DIAPH2: variants seen among roughly 807,000 people sequenced by gnomAD.
DIAPH2 encodes protein diaphanous homolog 2.
Under a neutral mutation model 92.7 loss-of-function variants are expected in DIAPH2, and 35 were observed. The observed-to-expected ratio is 0.38, with a 90% CI of 0.29 to 0.50. The LOEUF (loss-of-function observed/expected upper bound fraction) is 0.50, where lower values mean the gene tolerates loss of function less well. DIAPH2 is among the 20% of genes least tolerant of loss of function. DIAPH2 has a pLI of 0.94. For synonymous variants in DIAPH2, 301 were observed against 280.4 expected, an observed-to-expected ratio of 1.07 and a Z score of -0.73; for missense variants, 701 against 819.5, an observed-to-expected ratio of 0.86 and a Z score of 1.77.
chrX:97,516,024 C>T (rs902038425), intron 26 of DIAPH2, among the ~76,000 whole-genome samples: 7 of 110,452 alleles, frequency 6.3e-5, no homozygotes, highest in Non-Finnish European at 1.3e-4. Context: ...GAGGCGGAGG[C>T]GGGCGGATCA....
intron 19 of DIAPH2, among the ~76,000 whole-genome samples, chrX:97,092,529 T>A (rs2066833194): frequency 8.9e-6 from 1 of 112,800 alleles, no homozygotes; most frequent in Non-Finnish European, 1.9e-5. Flanking sequence ...TGCTCCATTT[T>A]GACTTTGTAT....
At chrX:97,344,076 G>A (rs998566620) in intron 23 of DIAPH2, among the ~76,000 whole-genome samples, 1 of 111,988 alleles carries the variant, frequency 8.9e-6, no homozygotes, top group Non-Finnish European at 1.9e-5. Context: ...TATATAATAA[G>A]TGATAAAGTC....
At chrX:97,394,898 C>T (rs1249135320) in intron 25 of DIAPH2, among the ~76,000 whole-genome samples, 1 of 111,453 alleles carries the variant, frequency 9.0e-6, no homozygotes, top group Non-Finnish European at 1.9e-5. Context: ...CCCCTCTTGC[C>T]TTTGGAGCCA....
intron 4 of DIAPH2, among the ~76,000 whole-genome samples, chrX:96,842,962 T>A (rs2147703650): frequency 8.9e-6 from 1 of 111,954 alleles, no homozygotes; most frequent in African/African-American, 3.2e-5. Flanking sequence ...TGTTGGTGAA[T>A]ACTAAATTTT....
In DIAPH2 at chrX:96,859,563, C is replaced by G. The variant is rs190777188; in HGVS notation, c.448-22016C>G. On this transcript the variant is annotated intron_variant, in intron 4 of 26. Transcript: ENST00000324765. ...AAGGGAGATATTATAATAGCACACACATTCATGTAAATAAGTGGGAATAGA... is the reference window on the plus strand; with the variant it reads ...AAGGGAGATATTATAATAGCACACAGATTCATGTAAATAAGTGGGAATAGA... Among the ~76,000 whole-genome samples, 156 of 110,305 alleles carry G rather than the reference C, an allele frequency of 1.4e-3. 1 individual carries two copies. Among genetic ancestry groups the G allele is most frequent in the African/African-American group, 4.9e-3 (150 of 30,355 alleles).
At position 97,108,247 on chromosome X, in the gene DIAPH2, C is replaced by T. The variant is rs1053602611; in HGVS notation, c.2350-6479C>T. 8.3e-4 allele frequency among the ~76,000 whole-genome samples: 92 copies of T among 110,502 alleles called. 1 individual carries two copies. The highest frequency in any genetic ancestry group is 2.8e-3 in the African/African-American group (86 of 30,318). On this transcript the variant is annotated intron_variant, in intron 20 of 26. Transcript: ENST00000324765. ...GATGTGATTTGATAGACAAGTACATCGTAACACAAATAAATCCCCTACATA... is the reference window on the plus strand; with the variant it reads ...GATGTGATTTGATAGACAAGTACATTGTAACACAAATAAATCCCCTACATA...
intron 9 of DIAPH2, among the ~76,000 whole-genome samples, chrX:96,927,022 G>A (rs1279634129): frequency 3.6e-5 from 4 of 111,200 alleles, no homozygotes; most frequent in Non-Finnish European, 7.6e-5. Flanking sequence ...AAGGGCATTT[G>A]TTTTCTTTCT....
chrX:97,399,877 A>C (rs772959241), intron 25 of DIAPH2, among the ~76,000 whole-genome samples: 9 of 112,471 alleles, frequency 8.0e-5, no homozygotes, highest in Non-Finnish European at 1.7e-4. Flanking sequence ...TACTGTATAC[A>C]TTTTGGTCAC....
At chrX:97,596,854 C>T (rs994996841) in intron 26 of DIAPH2, among the ~76,000 whole-genome samples, 4 of 111,772 alleles carry the variant, frequency 3.6e-5, no homozygotes, top group Non-Finnish European at 7.5e-5. Context: ...ACGTGGAAGT[C>T]GTCATCATTA....
chrX:96,960,290 G>GT (rs2065838825), intron 16 of DIAPH2, among the ~76,000 whole-genome samples: 1 of 110,684 alleles, frequency 9.0e-6, no homozygotes, highest in South Asian at 3.8e-4. Context: ...TTTCATCAGT[G>GT]TTTTGTAGTT....
chrX:96,870,391 A>T (rs2065132614), intron 4 of DIAPH2, among the ~76,000 whole-genome samples: 1 of 107,417 alleles, frequency 9.3e-6, no homozygotes, highest in Non-Finnish European at 1.9e-5. Flanking sequence ...CCTCCCGAGT[A>T]GCTGGGACTA....
intron 26 of DIAPH2, among the ~76,000 whole-genome samples, chrX:97,520,219 T>A (rs1221579522): frequency 8.9e-6 from 1 of 112,719 alleles, no homozygotes; most frequent in East Asian, 2.8e-4. Context: ...TTGATGTATG[T>A]ACAGGCTATG....
rs767896917 is a variant in DIAPH2 at position 97,236,463 on chromosome X, T to C, written c.2720-11252T>C. 2.0e-4 allele frequency among the ~76,000 whole-genome samples: 22 copies of C among 111,517 alleles called. 1 individual carries two copies. The highest frequency in any genetic ancestry group is 1.9e-4 in the Non-Finnish European group (10 of 53,154). On this transcript the variant is annotated intron_variant, in intron 22 of 26. Transcript: ENST00000324765. ...TGGTTCATCAATCTGTATGATCTTT[T>C]CACAACTTATTGAAGATACCATTTA...
chrX:96,836,386 T>C (rs2064886739), intron 4 of DIAPH2, among the ~76,000 whole-genome samples: 1 of 109,471 alleles, frequency 9.1e-6, no homozygotes, highest in South Asian at 3.9e-4. Context: ...ATGAATTTTC[T>C]CTTGATAAAT....
chrX:96,991,936 T>A (rs1461333272), intron 17 of DIAPH2, among the ~76,000 whole-genome samples: 1 of 111,281 alleles, frequency 9.0e-6, no homozygotes, highest in Non-Finnish European at 1.9e-5. Flanking sequence ...ACATATACTC[T>A]GAAATATCTA....
chrX:97,419,478 C>A (rs983735901), intron 25 of DIAPH2, among the ~76,000 whole-genome samples: 3 of 111,799 alleles, frequency 2.7e-5, no homozygotes, highest in African/African-American at 9.8e-5. Flanking sequence ...AAATATTATT[C>A]TTTTTAAAAT....
chrX:97,357,713 G>C (rs1162787510), intron 24 of DIAPH2, among the ~76,000 whole-genome samples: 1 of 112,015 alleles, frequency 8.9e-6, no homozygotes, highest in African/African-American at 3.2e-5. Flanking sequence ...ATAGAACAAT[G>C]AGTGAATCAA....
At position 96,724,589 on chromosome X, in the gene DIAPH2, T is replaced by C. The variant is rs183661794; in HGVS notation, c.133-11169T>C. 4.4e-4 allele frequency among the ~76,000 whole-genome samples: 49 copies of C among 111,849 alleles called. 1 individual carries two copies. The East Asian group carries it at 8.5e-3, about 19-fold the overall frequency. The stretch of plus-strand genomic sequence containing the variant: ...CCCCTATGAAAGGGCTTGATTTTGC[T>C]GGTTTGAAGCCTTTGTTGGCATCAG... On this transcript the variant is annotated intron_variant, in intron 1 of 26. Transcript: ENST00000324765.
At chrX:97,003,093 G>T (rs1271819441) in intron 17 of DIAPH2, among the ~76,000 whole-genome samples, 1 of 109,982 alleles carries the variant, frequency 9.1e-6, no homozygotes, top group African/African-American at 3.3e-5. Flanking sequence ...ATGATCACCA[G>T]TTCCATTCAT....
Sources: allele counts gnomAD v4.1 joint callset (sites outside exome capture counted in the v4.1 genomes callset), GRCh38; gene constraint gnomAD v4.1.1; transcripts MANE v1.5; gene names NCBI Gene and HGNC (gene_info 2026-07-23, HGNC 2026-07-21).